The following REPS2 variants were observed in gnomAD, a reference collection of about 807,000 sequenced individuals.
REPS2 encodes the protein ralBP1-associated Eps domain-containing protein 2.
A neutral mutation model predicts 53.6 loss-of-function variants in REPS2; 23 were observed. That is an observed-to-expected ratio of 0.43 (90% CI 0.31 to 0.61). REPS2 has a LOEUF of 0.61. Ranked by LOEUF, REPS2 falls within the 20% of genes least tolerant of loss-of-function variation. The pLI, the probability that REPS2 is intolerant of heterozygous loss-of-function variation, is 0.11. For missense variants in REPS2, 446 were observed against 534.9 expected (o/e 0.83, Z 1.64); for synonymous variants, 238 against 218.6 (o/e 1.09, Z -0.78).
chrX:17,024,363 G>T (rs866705315), intron 3 of REPS2, among the ~76,000 whole-genome samples: 8 of 71,668 alleles, frequency 1.1e-4, no homozygotes, highest in South Asian at 9.3e-4. Flanking sequence ...TACTAGTAAA[G>T]TTTTTTTTTT....
intron 1 of REPS2, among the ~76,000 whole-genome samples, chrX:16,968,321 A>C (rs1302677706): frequency 2.7e-5 from 3 of 109,793 alleles, no homozygotes; most frequent in Admixed American, 9.5e-5. Flanking sequence ...CAAAACCGCC[A>C]TTGTCATCAT....
intron 1 of REPS2, among the ~76,000 whole-genome samples, chrX:16,966,153 T>TA (rs974687629): frequency 3.6e-5 from 4 of 111,517 alleles, no homozygotes; most frequent in African/African-American, 1.3e-4. Flanking sequence ...GGCAATTTCT[T>TA]AGAGCAGTAA....
chrX:17,057,781 A>C lies in REPS2; in HGVS notation c.1114+2831A>C, dbSNP rs368860202. ...TGAATCAGGGCAAAGAAGCACTGGC[A>C]TTCTGGGGGCTATCTTGACGCCTAC... is the stretch of plus-strand genomic sequence containing the variant. On this transcript the variant is annotated intron_variant, in intron 8 of 17. Coordinates refer to ENST00000357277, the MANE Select transcript of REPS2 (RefSeq NM_004726.3). Among the ~76,000 whole-genome samples the C allele has an allele frequency of 1.1e-4, 12 of 111,033 alleles. No individual in the cohort carries two copies. In the East Asian group the frequency reaches 2.0e-3, roughly 18 times the overall value.
chrX:17,160,827 TC>T, the REPS2 span, among the ~76,000 whole-genome samples: 9 of 112,078 alleles, frequency 8.0e-5, no homozygotes, highest in Non-Finnish European at 1.3e-4. Context: ...GGTCAATGAT[TC>T]CTTTTTACCT....
At chrX:17,128,164 T>A (rs2063241124) in intron 14 of REPS2, among the ~76,000 whole-genome samples, 1 of 110,692 alleles carries the variant, frequency 9.0e-6, no homozygotes, top group African/African-American at 3.3e-5. Flanking sequence ...AGATGAGGAT[T>A]CTTCAAAAGT....
chrX:17,069,623 T>C (rs1192913756), intron 10 of REPS2, among the ~76,000 whole-genome samples: 2 of 111,759 alleles, frequency 1.8e-5, no homozygotes, highest in Non-Finnish European at 3.8e-5. Flanking sequence ...TCAGTCTGGG[T>C]GTCAGGAATG....
intron 1 of REPS2, among the ~76,000 whole-genome samples, chrX:16,983,223 G>A (rs921875008): frequency 1.8e-5 from 2 of 112,280 alleles, no homozygotes; most frequent in Non-Finnish European, 3.8e-5. Flanking sequence ...ACAGCACACA[G>A]GGTGGTCTTT....
chrX:17,166,412 T>G, the REPS2 span, among the ~76,000 whole-genome samples: 1 of 112,021 alleles, frequency 8.9e-6, no homozygotes, highest in Non-Finnish European at 1.9e-5. Context: ...AAATAATAAA[T>G]GAGCCCAGAA....
intron 14 of REPS2, among the ~76,000 whole-genome samples, chrX:17,108,176 CTT>C (rs112858596): frequency 9.0e-5 from 9 of 99,937 alleles, no homozygotes; most frequent in Non-Finnish European, 4.1e-5. Context: ...TGTGTTTATT[CTT>C]TTTTTTTTTT....
intron 1 of REPS2, among the ~76,000 whole-genome samples, chrX:16,995,903 G>A (rs1569114245): frequency 1.8e-5 from 2 of 111,497 alleles, no homozygotes; most frequent in South Asian, 3.8e-4. Context: ...CATGCATTGT[G>A]GTGGGACTGT....
intron 2 of REPS2, among the ~76,000 whole-genome samples, chrX:17,013,827 T>C (rs573853179): frequency 9.0e-6 from 1 of 111,270 alleles, no homozygotes; most frequent in Non-Finnish European, 1.9e-5. Context: ...CTCCCAGCCC[T>C]GCTACAGGGA....
At chrX:17,060,121 T>C (rs2062138085) in intron 8 of REPS2, among the ~76,000 whole-genome samples, 1 of 109,488 alleles carries the variant, frequency 9.1e-6, no homozygotes, top group Non-Finnish European at 1.9e-5. Context: ...GGCAGCATGG[T>C]GAAACCCTGT....
At position 16,994,372 on chromosome X, in the gene REPS2, CAT is replaced by C. The variant is rs55964545; in HGVS notation, c.274-11841_274-11840del. 1.6e-4 allele frequency among the ~76,000 whole-genome samples: 17 copies of C among 107,856 alleles called. No homozygotes were observed. The South Asian group carries it at 6.7e-3, about 43-fold the overall frequency. The allele number at this position is 107,856 out of a possible 115,157, so 93.7% of individuals were successfully genotyped here. ...ATATACACACACGTACATATATATACATATATATACACACACGTACATATATA... is the reference window on the plus strand; with the variant it reads ...ATATACACACACGTACATATATATACATATATACACACACGTACATATATA... On this transcript the variant is annotated intron_variant, in intron 1 of 17. Transcript: ENST00000357277.
At chrX:16,984,459 T>C (rs2061065984) in intron 1 of REPS2, among the ~76,000 whole-genome samples, 2 of 111,957 alleles carry the variant, frequency 1.8e-5, no homozygotes, top group Non-Finnish European at 3.8e-5. Flanking sequence ...AACCCTGATA[T>C]AATGTGGGAG....
At chrX:17,082,174 C>T (rs1225243288) in intron 13 of REPS2, among the ~76,000 whole-genome samples, 1 of 112,115 alleles carries the variant, frequency 8.9e-6, no homozygotes. Flanking sequence ...AGTAAAAAGC[C>T]TTAGCTCTGC....
At chrX:17,141,117 G>A (rs2063440498) in intron 17 of REPS2, among the ~76,000 whole-genome samples, 1 of 111,821 alleles carries the variant, frequency 8.9e-6, no homozygotes, top group Non-Finnish European at 1.9e-5. Context: ...ACAAGTACAT[G>A]TACTTACGGA....
chrX:17,060,706 T>G, intron 8 of REPS2, among the ~76,000 whole-genome samples: 1 of 108,486 alleles, frequency 9.2e-6, no homozygotes, highest in East Asian at 2.9e-4. Flanking sequence ...ATAGGAGGAG[T>G]GGGAATTTCA....
intron 11 of REPS2, among the ~76,000 whole-genome samples, chrX:17,072,474 A>G (rs2062320983): frequency 9.0e-6 from 1 of 111,115 alleles, no homozygotes; most frequent in African/African-American, 3.3e-5. Flanking sequence ...CCCTCACCCC[A>G]TCTGTCTGTC....
intron 3 of REPS2, among the ~76,000 whole-genome samples, chrX:17,023,870 G>A (rs1408831122): frequency 3.6e-5 from 4 of 111,721 alleles, no homozygotes; most frequent in Non-Finnish European, 5.6e-5. Flanking sequence ...CTATGGGTGT[G>A]AGCTCATGCT....
Sources: gnomAD v4.1 joint callset for allele counts (sites outside exome capture counted in the v4.1 genomes callset) on GRCh38, gnomAD v4.1.1 for gene constraint, MANE v1.5 for transcripts, NCBI Gene and HGNC (gene_info 2026-07-23, HGNC 2026-07-21) for gene names.